TBC1D10B: variants seen among roughly 807,000 people sequenced by gnomAD.
The protein encoded by TBC1D10B is Rab27A-GAPbeta.
Under a neutral mutation model 78.4 loss-of-function variants are expected in TBC1D10B, and 25 were observed. The observed-to-expected ratio is 0.32, with a 90% CI of 0.23 to 0.45. TBC1D10B has a LOEUF of 0.45. TBC1D10B is among the 20% of genes least tolerant of loss of function. TBC1D10B has a pLI of 1.00. For missense variants in TBC1D10B, 996 were observed against 1,104.8 expected (o/e 0.90, Z 1.40); for synonymous variants, 517 against 478.0 (o/e 1.08, Z -1.06).
In TBC1D10B at chr16:30,364,452, C is replaced by CA. The variant is rs538143517; in HGVS notation, c.1271+447dup. Among the ~76,000 whole-genome samples the CA allele has an allele frequency of 2.2e-3, 327 of 151,754 alleles. 3 individuals are homozygous for CA. Among genetic ancestry groups the CA allele is most frequent in the Non-Finnish European group, 1.2e-3 (84 of 67,852 alleles). ...GGAGACTCCATCTCAAAAAACAAAACAAAAAAAAGTCCATCAGAGAACTCC... is the reference window on the plus strand; with the variant it reads ...GGAGACTCCATCTCAAAAAACAAAACAAAAAAAAAGTCCATCAGAGAACTCC... On this transcript the variant is annotated intron_variant, in intron 4 of 8. Transcript: ENST00000409939.
chr16:30,362,071 G>C (rs1012145131), intron 4 of TBC1D10B, among the ~76,000 whole-genome samples: 1 of 151,246 alleles, frequency 6.6e-6, no homozygotes, highest in South Asian at 2.1e-4. Flanking sequence ...GGATGGTCTC[G>C]AACTCCTGAC....
At chr16:30,363,015 C>T (rs932939818) in intron 4 of TBC1D10B, among the ~76,000 whole-genome samples, 2 of 152,108 alleles carry the variant, frequency 1.3e-5, no homozygotes, top group Non-Finnish European at 1.5e-5. Flanking sequence ...CCAGCCTGGG[C>T]GACAGAGCGA....
rs1169490479 is a variant in TBC1D10B at position 30,358,027 on chromosome 16, G to A, written c.2344C>T (p.Arg782Cys). 4.5e-6 allele frequency: 7 copies of A among 1,551,716 alleles called. No individual in the cohort carries two copies. Among genetic ancestry groups the A allele is most frequent in the African/African-American group, 4.1e-5 (3 of 73,050 alleles). Residue 782 changes from arginine to cysteine, a missense_variant, in exon 9 of 9, where the codon CGT (arginine) becomes TGT (cysteine). Arg to Cys is a radical substitution (Grantham distance 180). Transcript: ENST00000409939. The part of the protein sequence containing the change: ...KKAQGRKLSL[R>C]RKADGPPGPH... ...CCTGGGGGCCCATCTGCCTTTCGAC[G>A]CAGCGAAAGCTTCCGGCCTTGAGCC...
chr16:30,368,600 G>A (rs2049655692), intron 1 of TBC1D10B, among the ~76,000 whole-genome samples: 1 of 152,136 alleles, frequency 6.6e-6, no homozygotes, highest in African/African-American at 2.4e-5. Flanking sequence ...GAAAGAGTCA[G>A]CCCGGCTGGG....
Position 30,357,784 on chromosome 16 carries a change from G to A in TBC1D10B, c.*160C>T. ...TCATTTGCAGCTGCCCATCTGTCCT[G>A]CCCGTGTAGGGATCAGCAGCTGGCG... On this transcript the variant is annotated 3_prime_UTR_variant, in exon 9 of 9. Transcript: ENST00000409939. The A allele has an allele frequency of 1.0e-6, 1 of 993,448 alleles. No homozygotes were observed. Among genetic ancestry groups the A allele is most frequent in the Non-Finnish European group, 1.4e-6 (1 of 695,600 alleles). The allele number at this position is 993,448 out of a possible 1,614,324, so 61.5% of individuals were successfully genotyped here.
At position 30,359,328 on chromosome 16, in the gene TBC1D10B, CA is replaced by C; in HGVS notation, c.1485del (p.Phe495LeufsTer26). On this transcript the variant is annotated frameshift_variant, in exon 7 of 9. Coordinates refer to ENST00000409939, the MANE Select transcript of TBC1D10B (RefSeq NM_015527.4). LOFTEE classifies it high-confidence loss of function. ...AGCGGGGAGGCCCGGCGCAGGAGTG[CA>C]AAAAAGATCTCCCCGTCCAGCTGAA... ...EAIQLDGEIF[F>X]ALLRRASPLA... is the part of the protein sequence containing the mutation. The C allele has an allele frequency of 6.3e-7, 1 of 1,584,238 alleles. No individual in the cohort carries two copies. The highest frequency in any genetic ancestry group is 2.3e-5 in the East Asian group (1 of 43,036).
chr16:30,358,055 C>A lies in TBC1D10B; in HGVS notation c.2316G>T (p.Lys772Asn), dbSNP rs145571848. 68 of 1,551,888 alleles carry A rather than the reference C, an allele frequency of 4.4e-5. No individual in the cohort carries two copies. The Middle Eastern group carries it at 1.5e-3, about 34-fold the overall frequency. The change falls in exon 9 of 9, where the codon AAG becomes AAT. Residue 772 changes from lysine (K) to asparagine (N), a missense_variant. This residue lies in a region of TBC1D10B where 285 missense variants were observed against 252.5 expected (regional missense o/e 1.13). Coordinates refer to ENST00000409939, the MANE Select transcript of TBC1D10B (RefSeq NM_015527.4). Reference protein sequence around the residue: ...KQEKERQKQEKKAQGRKLSLR... With the variant: ...KQEKERQKQENKAQGRKLSLR... ...GCGAAAGCTTCCGGCCTTGAGCCTT[C>A]TTCTCCTGCTTCTGCCGCTCCTTCT...
Position 30,370,144 on chromosome 16 carries a change from G to C in TBC1D10B, c.40C>G (p.Arg14Gly). The change falls in exon 1 of 9, where the codon CGT (arginine) becomes GGT (glycine). Residue 14 changes from arginine to glycine, a missense_variant. Arg to Gly is a moderately radical substitution (Grantham distance 125). Transcript: ENST00000409939. ...GAGGGGGCCGCGGGGGCGCCATGAC[G>C]GCGCGGCGGGGCCACCAGGGGCGCC... The part of the protein sequence containing the change: ...GTAPLVAPPR[R>G]HGAPAAPSPP... The C allele has an allele frequency of 8.4e-7, 1 of 1,195,922 alleles. No individual in the cohort carries two copies. The highest frequency in any genetic ancestry group is 1.0e-6 in the Non-Finnish European group (1 of 964,868). 74.1% of individuals were successfully genotyped at this position (1,195,922 alleles called of 1,614,324 possible).
chr16:30,357,982 T>C lies in TBC1D10B; in HGVS notation c.2389A>G (p.Arg797Gly). 3.2e-6 allele frequency: 5 copies of C among 1,551,692 alleles called. No homozygotes were observed. Among genetic ancestry groups the C allele is most frequent in the South Asian group, 2.4e-5 (2 of 84,068 alleles). ...TCCTGCCGGGCCTCGGCTGAGGGCC[T>C]GTCCCCACCATCATGGGGGCCTGGG... is the stretch of plus-strand genomic sequence containing the variant. ...GPPGPHDGGD[R>G]PSAEARQDAY... is the part of the protein sequence containing the mutation. The change falls in exon 9 of 9, where the codon AGG becomes GGG. Residue 797 changes from arginine (R) to glycine (G), a missense_variant. Coordinates refer to ENST00000409939, the MANE Select transcript of TBC1D10B (RefSeq NM_015527.4).
chr16:30,364,529 G>A (rs2049621687), intron 4 of TBC1D10B, among the ~76,000 whole-genome samples: 1 of 152,154 alleles, frequency 6.6e-6, no homozygotes, highest in Admixed American at 6.5e-5. Context: ...CTGACATCTG[G>A]AGGAAGCTTG....
In TBC1D10B at chr16:30,369,344, C is replaced by A. The variant is rs977574691; in HGVS notation, c.840G>T (p.Leu280Phe). The stretch of plus-strand genomic sequence containing the variant: ...AGCTCACATCATCCGCCAAGGACTC[C>A]AAGGTCCCAGACATGAGGCTCACGG... ...LDSVSLMSGT[L>F]ESLADDVSSM... Residue 280 changes from leucine (L) to phenylalanine (F), a missense_variant, in exon 1 of 9, where the codon TTG becomes TTT. Around this residue, in one of 5 missense-constraint regions of TBC1D10B, gnomAD observed 448 missense variants for 442.1 expected, o/e 1.01. Transcript: ENST00000409939. The surrounding 1 kb of genome is among the most constrained non-coding windows in gnomAD (Gnocchi z 4.3). 1 of 1,598,544 alleles carries A rather than the reference C, an allele frequency of 6.3e-7. No individual in the cohort carries two copies. Among genetic ancestry groups the A allele is most frequent in the African/African-American group, 1.3e-5 (1 of 74,698 alleles).
chr16:30,357,651 A>G lies in TBC1D10B; in HGVS notation c.*293T>C, dbSNP rs934599828. 5.4e-5 allele frequency: 27 copies of G among 495,572 alleles called. 1 individual carries two copies. The highest frequency in any genetic ancestry group is 3.9e-4 in the South Asian group (13 of 33,486). The allele number at this position is 495,572 out of a possible 1,614,324, so 30.7% of individuals were successfully genotyped here. On this transcript the variant is annotated 3_prime_UTR_variant, in exon 9 of 9. Coordinates refer to ENST00000409939, the MANE Select transcript of TBC1D10B (RefSeq NM_015527.4). ...CCCATCACCAGGAGTCACCCCTGGGATGACAACGGGCCATTCAGGACAGCA... is the reference window on the plus strand; with the variant it reads ...CCCATCACCAGGAGTCACCCCTGGGGTGACAACGGGCCATTCAGGACAGCA...
At position 30,369,532 on chromosome 16, in the gene TBC1D10B, T is replaced by C. The variant is rs1356772413; in HGVS notation, c.652A>G (p.Thr218Ala). Residue 218 changes from threonine to alanine, a missense_variant, in exon 1 of 9, where the codon ACA (threonine) becomes GCA (alanine). Coordinates refer to ENST00000409939, the MANE Select transcript of TBC1D10B (RefSeq NM_015527.4). This position sits in a 1 kb window ranked among gnomAD's most constrained non-coding sequence, Gnocchi z 4.3. Reference sequence around the variant, plus strand: ...GCCTCACAAGTCCCAGAGGGGCCTGTGCCAGGGCCTGAGGGGTCCTCAGGA... The same window carrying C: ...GCCTCACAAGTCCCAGAGGGGCCTGCGCCAGGGCCTGAGGGGTCCTCAGGA... ...QAPEDPSGPG[T>A]GPSGTCEAPV... The C allele has an allele frequency of 6.5e-7, 1 of 1,549,880 alleles. No homozygotes were observed. The highest frequency in any genetic ancestry group is 2.4e-5 in the East Asian group (1 of 40,896).
Position 30,370,167 on chromosome 16 carries a change from G to T in TBC1D10B, c.17C>A (p.Ala6Glu), listed in dbSNP as rs2049677126. The part of the protein sequence containing the change: METGT[A>E]PLVAPPRRHG... ...ACGGCGCGGCGGGGCCACCAGGGGC[G>T]CCGTGCCCGTCTCCATGGCCGCGGG... Residue 6 changes from alanine (A) to glutamate (E), a missense_variant, in exon 1 of 9, where the codon GCG (alanine) becomes GAG (glutamate). Coordinates refer to ENST00000409939, the MANE Select transcript of TBC1D10B (RefSeq NM_015527.4). The T allele has an allele frequency of 2.5e-6, 3 of 1,180,048 alleles. No individual in the cohort carries two copies. The highest frequency in any genetic ancestry group is 3.1e-6 in the Non-Finnish European group (3 of 954,620). 73.1% of individuals were successfully genotyped at this position (1,180,048 alleles called of 1,614,324 possible).
intron 4 of TBC1D10B, among the ~76,000 whole-genome samples, chr16:30,360,780 C>T (rs1204450665): frequency 1.6e-4 from 25 of 152,154 alleles, no homozygotes; most frequent in Admixed American, 1.6e-3. Context: ...CACCTGCCTG[C>T]TTCCGTGTCC....
In TBC1D10B at chr16:30,369,546, GGGTCCTCAGGAGCCT is replaced by G. The variant is rs756658558; in HGVS notation, c.623_637del (p.Gln208_Asp212del). The G allele has an allele frequency of 1.6e-5, 25 of 1,545,188 alleles. No individual in the cohort carries two copies. In the African/African-American group the frequency reaches 2.7e-4, roughly 17 times the overall value. ...AGAGGGGCCTGTGCCAGGGCCTGAGGGGTCCTCAGGAGCCTGTCCTGCTGATGCTGATGTTGCTGC... is the reference window on the plus strand; with the variant it reads ...AGAGGGGCCTGTGCCAGGGCCTGAGGGTCCTGCTGATGCTGATGTTGCTGC... On this transcript the variant is annotated inframe_deletion, in exon 1 of 9. Coordinates refer to ENST00000409939, the MANE Select transcript of TBC1D10B (RefSeq NM_015527.4). This position sits in a 1 kb window ranked among gnomAD's most constrained non-coding sequence, Gnocchi z 4.3.
At chr16:30,367,146 A>T (rs1218745490) in intron 1 of TBC1D10B, 2 of 152,776 alleles carry the variant, frequency 1.3e-5, no homozygotes, top group Non-Finnish European at 2.9e-5. Context: ...GTGAGCCAAG[A>T]TCGCACCATT....
rs1567415474 is a variant in TBC1D10B, at chr16:30,369,217, C to T, written c.956+11G>A. ...CCGAGGCGGTCCCGCTGGGTGCCCA[C>T]TGGTACTCACAGGCTGCCCGAGTAC... is the stretch of plus-strand genomic sequence containing the variant. On this transcript the variant is annotated intron_variant, in intron 1 of 8. Transcript: ENST00000409939. The surrounding 1 kb of genome is among the most constrained non-coding windows in gnomAD (Gnocchi z 4.3). 6.4e-7 allele frequency: 1 copy of T among 1,567,900 alleles called. No homozygotes were observed. Among genetic ancestry groups the T allele is most frequent in the Non-Finnish European group, 8.6e-7 (1 of 1,156,706 alleles).
At position 30,369,745 on chromosome 16, in the gene TBC1D10B, C is replaced by G; in HGVS notation, c.439G>C (p.Gly147Arg). ...EARPSPAPGP[G>R]TPTGTPTRTP... ...CTGGTAGGGGTCCCGGTGGGGGTCC[C>G]TGGTCCTGGGGCGGGTGAGGGTCGA... The change falls in exon 1 of 9, where the codon GGG becomes CGG. Residue 147 changes from glycine to arginine, a missense_variant. Coordinates refer to ENST00000409939, the MANE Select transcript of TBC1D10B (RefSeq NM_015527.4). The surrounding 1 kb of genome is among the most constrained non-coding windows in gnomAD (Gnocchi z 4.3). The G allele has an allele frequency of 2.1e-6, 3 of 1,463,026 alleles. No homozygotes were observed. The highest frequency in any genetic ancestry group is 2.7e-6 in the Non-Finnish European group (3 of 1,105,054). The allele number at this position is 1,463,026 out of a possible 1,614,324, so 90.6% of individuals were successfully genotyped here. A position where few individuals can be genotyped will look rare whatever the true frequency, so the allele number is the denominator to read the frequency against.
Sources: allele counts gnomAD v4.1 joint callset (sites outside exome capture counted in the v4.1 genomes callset), GRCh38; gene constraint gnomAD v4.1.1; regional missense constraint gnomAD v4.1.1; non-coding constraint Gnocchi (gnomAD v3.1); transcripts MANE v1.5; gene names NCBI Gene and HGNC (gene_info 2026-07-23, HGNC 2026-07-21).